The following TNN variants were observed in gnomAD, a reference collection of about 807,000 sequenced individuals.
The protein encoded by TNN is tenascin-N.
In TNN, 122 loss-of-function variants were observed where a neutral mutation model predicts 134.4. That is an observed-to-expected ratio of 0.91 (90% CI 0.78 to 1.06). The LOEUF (loss-of-function observed/expected upper bound fraction) is 1.06, where lower values mean the gene tolerates loss of function less well. Among genes scored for constraint, TNN ranks in the 50% least tolerant of loss-of-function variants. The pLI is 0.00. For missense variants in TNN, 1,739 were observed against 1,699.4 expected (o/e 1.02, Z -0.41); for synonymous variants, 710 against 670.3 (o/e 1.06, Z -0.91).
Position 175,104,598 on chromosome 1 carries a change from C to T in TNN, c.2119+6003C>T, listed in dbSNP as rs558977760. Among the ~76,000 whole-genome samples the T allele has an allele frequency of 7.5e-5, 11 of 145,698 alleles. 3 individuals carry two copies. The highest frequency in any genetic ancestry group is 6.9e-4 in the East Asian group (3 of 4,350). On this transcript the variant is annotated intron_variant, in intron 9 of 18. Transcript: ENST00000239462. ...TGTCTGAGGGCCATGACTAAGGCTG[C>T]GGCCTTTCTCTGATCTCGCTTTTCC...
chr1:175,128,889 G>GT lies in TNN; in HGVS notation c.3330+148dup, dbSNP rs1011603495. The GT allele has an allele frequency of 2.5e-5, 22 of 891,522 alleles. No individual in the cohort carries two copies. In the Admixed American group the frequency reaches 7.0e-4, roughly 28 times the overall value. The allele number at this position is 891,522 out of a possible 1,614,324, so 55.2% of individuals were successfully genotyped here. A position where few individuals can be genotyped will look rare whatever the true frequency, so the allele number is the denominator to read the frequency against. On this transcript the variant is annotated intron_variant, in intron 15 of 18. Coordinates refer to ENST00000239462, the MANE Select transcript of TNN (RefSeq NM_022093.2). ...AGAGGAGTTTTGGTGGCTTGTAGCT[G>GT]TTTTTAGAGAGATCCCAATGTTACA... is the stretch of plus-strand genomic sequence containing the variant.
In TNN at chr1:175,094,144, G is replaced by C. The variant is rs756217445; in HGVS notation, c.1479G>C (p.Glu493Asp). The change falls in exon 7 of 19, where the codon GAG becomes GAC. Residue 493 changes from glutamate to aspartate, a missense_variant. By Grantham distance (45) the Glu-to-Asp change is conservative (BLOSUM62 2). Coordinates refer to ENST00000239462, the MANE Select transcript of TNN (RefSeq NM_022093.2). ...DTKEMAVHKD[E>D]SSTVLTGLKP... Reference sequence around the variant, plus strand: ...AGGAAATGGCAGTGCACAAGGATGAGAGCAGCACTGTCCTGACGGGCCTGA... The same window carrying C: ...AGGAAATGGCAGTGCACAAGGATGACAGCAGCACTGTCCTGACGGGCCTGA... 13 of 1,614,222 alleles carry C rather than the reference G, an allele frequency of 8.1e-6. No homozygotes were observed. The highest frequency in any genetic ancestry group is 4.5e-5 in the East Asian group (2 of 44,888).
Position 175,080,364 on chromosome 1 carries a change from T to C in TNN, c.986T>C (p.Val329Ala), listed in dbSNP as rs1419180747. 6.2e-7 allele frequency: 1 copy of C among 1,614,036 alleles called. No individual in the cohort carries two copies. The highest frequency in any genetic ancestry group is 1.7e-5 in the Admixed American group (1 of 60,014). The change falls in exon 4 of 19, where the codon GTC becomes GCC. Residue 329 changes from valine to alanine, a missense_variant. Transcript: ENST00000239462. ...TTGCTGCCTGGAACCAAGTACATAG[T>C]CACCCTGCGTAACGTCAAGAATGAA... ...LGLLPGTKYI[V>A]TLRNVKNEVS...
At chr1:175,118,451 G>A (rs1186389680) in intron 10 of TNN, 110 bp from the exon 11 acceptor site, 2 of 1,331,576 alleles carry the variant, frequency 1.5e-6, no homozygotes, top group Admixed American at 2.2e-5. Flanking sequence ...AGCATATGAG[G>A]CGGAAACCCC....
chr1:175,106,172 T>G (rs1674846886), intron 9 of TNN, among the ~76,000 whole-genome samples: 1 of 145,580 alleles, frequency 6.9e-6, no homozygotes, highest in Non-Finnish European at 1.5e-5. Flanking sequence ...AAAAACCTGT[T>G]AGAGTCCTAA....
At chr1:175,128,771 G>T (rs1260637786) in intron 15 of TNN, 25 bp downstream of exon 15, 1 of 1,601,412 alleles carries the variant, frequency 6.2e-7, no homozygotes, top group Non-Finnish European at 8.5e-7. Context: ...ACCCTGGGGA[G>T]CTCTGTGTAG....
At chr1:175,110,883 T>C (rs7540930) in intron 9 of TNN, among the ~76,000 whole-genome samples, 1 of 152,008 alleles carries the variant, frequency 6.6e-6, no homozygotes. Context: ...TTTTAGAATT[T>C]TTTTTTCTAG....
At chr1:175,128,986 C>A (rs555104637) in intron 15 of TNN, among the ~76,000 whole-genome samples, 1 of 151,950 alleles carries the variant, frequency 6.6e-6, no homozygotes, top group African/African-American at 2.4e-5. Context: ...CAGGGTGAGT[C>A]CACAATGCAA....
At chr1:175,146,846 T>C in intron 18 of TNN, 85 bp from the exon 19 acceptor site, 1 of 1,236,618 alleles carries the variant, frequency 8.1e-7, no homozygotes, top group Non-Finnish European at 1.1e-6. Flanking sequence ...AATTAATTAA[T>C]TAATTAATTC....
chr1:175,115,715 G>T (rs987023252), intron 9 of TNN, among the ~76,000 whole-genome samples: 1 of 152,152 alleles, frequency 6.6e-6, no homozygotes, highest in African/African-American at 2.4e-5. Flanking sequence ...GCCACAGGGG[G>T]TGGGGCACAG....
chr1:175,079,966 G>A (rs201719665), intron 3 of TNN, among the ~76,000 whole-genome samples, 197 bp from the exon 4 acceptor site: 1 of 107,860 alleles, frequency 9.3e-6, no homozygotes, highest in Non-Finnish European at 1.9e-5. Context: ...GGCTGTGTGT[G>A]AGTGTGTGTG....
chr1:175,076,171 G>A (rs1674034609), intron 1 of TNN, among the ~76,000 whole-genome samples: 1 of 152,146 alleles, frequency 6.6e-6, no homozygotes, highest in Admixed American at 6.5e-5. Context: ...GGGGTTGGGG[G>A]CACAAGGGGA....
At chr1:175,068,908 A>AAAAAAC (rs1293756488) in intron 1 of TNN, among the ~76,000 whole-genome samples, 4 of 152,166 alleles carry the variant, frequency 2.6e-5, no homozygotes, top group African/African-American at 9.7e-5. Context: ...AACTCCATCT[A>AAAAAAC]AAAAACAAAA....
chr1:175,083,034 A>C (rs767551574), intron 4 of TNN, among the ~76,000 whole-genome samples: 6 of 151,202 alleles, frequency 4.0e-5, no homozygotes, highest in Non-Finnish European at 8.8e-5. Context: ...TTAATACTTT[A>C]CTATGAATAA....
chr1:175,079,281 T>TC (rs1481417684), intron 2 of TNN, 52 bp from the exon 3 acceptor site: 2 of 1,518,576 alleles, frequency 1.3e-6, no homozygotes, highest in African/African-American at 2.8e-5. Context: ...AGGAAGGAGA[T>TC]CCCCACGCAC....
At chr1:175,083,727 T>C (rs1455959255) in intron 4 of TNN, 23 bp from the exon 5 acceptor site, 1 of 1,608,450 alleles carries the variant, frequency 6.2e-7, no homozygotes. Context: ...CACTTTCTCT[T>C]GCCTCCGTCA....
At chr1:175,100,304 C>A (rs1349207241) in intron 9 of TNN, among the ~76,000 whole-genome samples, 3 of 152,156 alleles carry the variant, frequency 2.0e-5, no homozygotes, top group Non-Finnish European at 4.4e-5. Context: ...TTGTGACAAC[C>A]AAAAGTGTCT....
rs554347877 is a variant in TNN at position 175,136,784 on chromosome 1, G to A, written c.3428-37G>A. 4.4e-6 allele frequency: 7 copies of A among 1,601,424 alleles called. No homozygotes were observed. In the South Asian group the frequency reaches 7.9e-5, roughly 18 times the overall value. ...GTTGAGTGCTTACTCGCACACATGG[G>A]TTGATTGATTATTGGAATTCCGTTT... On this transcript the variant is annotated intron_variant, in intron 16 of 18. Transcript: ENST00000239462.
At position 175,144,515 on chromosome 1, in the gene TNN, C is replaced by A; in HGVS notation, c.3724C>A (p.Pro1242Thr). Residue 1242 changes from proline to threonine, a missense_variant, in exon 18 of 19, where the codon CCT (proline) becomes ACT (threonine). Coordinates refer to ENST00000239462, the MANE Select transcript of TNN (RefSeq NM_022093.2). ...GTATAAGAACTGCCACTTGGCCAACCCTAATGGCAGATATGGGGAGACCAA... is the reference window on the plus strand; with the variant it reads ...GTATAAGAACTGCCACTTGGCCAACACTAATGGCAGATATGGGGAGACCAA... ...WWYKNCHLAN[P>T]NGRYGETKHS... 6.2e-7 allele frequency: 1 copy of A among 1,614,210 alleles called. No individual in the cohort carries two copies. The highest frequency in any genetic ancestry group is 8.5e-7 in the Non-Finnish European group (1 of 1,180,030).
Sources: gnomAD v4.1 joint callset for allele counts (sites outside exome capture counted in the v4.1 genomes callset) on GRCh38, gnomAD v4.1.1 for gene constraint, MANE v1.5 for transcripts, NCBI Gene and HGNC (gene_info 2026-07-23, HGNC 2026-07-21) for gene names.